The following SQOR variants were observed in gnomAD, a reference collection of about 807,000 sequenced individuals.
The protein encoded by SQOR is sulfide quinone oxidoreductase.
A neutral mutation model predicts 48.6 loss-of-function variants in SQOR; 39 were observed. The ratio of observed to expected loss-of-function variants is 0.80; its 90% CI spans 0.62 to 1.05. The LOEUF is 1.05. SQOR is among the 50% of genes least tolerant of loss of function. The pLI, the probability that SQOR is intolerant of heterozygous loss-of-function variation, is 0.00. For synonymous variants in SQOR, 220 were observed against 206.2 expected (o/e 1.07, Z -0.57); for missense variants, 561 against 559.9 (o/e 1.00, Z -0.02).
chr15:45,647,318 GCTAC>G (rs1889361080), intron 1 of SQOR, among the ~76,000 whole-genome samples: 1 of 144,634 alleles, frequency 6.9e-6, no homozygotes, highest in Non-Finnish European at 1.5e-5. Context: ...ATTCAACCAA[GCTAC>G]TTTAACTTTT....
chr15:45,688,334 T>C lies in SQOR; in HGVS notation c.1049-3T>C, dbSNP rs746875012. ...TTTTCTGACTTTCCCATTTCTCTTATAGCTGCCCAGTCAGGAATACTTGAT... is the reference window on the plus strand; with the variant it reads ...TTTTCTGACTTTCCCATTTCTCTTACAGCTGCCCAGTCAGGAATACTTGAT... On this transcript the variant is annotated splice_polypyrimidine_tract_variant and splice_region_variant and intron_variant, in intron 7 of 9. Transcript: ENST00000260324. 6.3e-6 allele frequency: 10 copies of C among 1,593,246 alleles called. No homozygotes were observed. Among genetic ancestry groups the C allele is most frequent in the East Asian group, 4.5e-5 (2 of 44,730 alleles).
At chr15:45,632,941 C>CAAAA (rs111851737), upstream of SQOR, among the ~76,000 whole-genome samples, 69 of 131,482 alleles carry the variant, frequency 5.2e-4, no homozygotes, top group African/African-American at 1.9e-3. Context: ...TCCATCTCTA[C>CAAAA]AAAAAAAAAA....
chr15:45,674,428 G>A (rs1354395758), intron 5 of SQOR, among the ~76,000 whole-genome samples: 2 of 150,408 alleles, frequency 1.3e-5, no homozygotes, highest in East Asian at 2.0e-4. Flanking sequence ...CAACAAGAGC[G>A]AAGCTCCGTC....
At chr15:45,685,834 A>T (rs550165326) in intron 7 of SQOR, among the ~76,000 whole-genome samples, 1 of 152,224 alleles carries the variant, frequency 6.6e-6, no homozygotes, top group South Asian at 2.1e-4. Context: ...GAATATAGCC[A>T]TTTAATTTTT....
chr15:45,647,849 G>A (rs7163398), intron 1 of SQOR, among the ~76,000 whole-genome samples: 107 of 152,180 alleles, frequency 7.0e-4, no homozygotes, highest in African/African-American at 2.0e-3. Context: ...CCCAGGAGGC[G>A]GAGGCTGCAG....
upstream of SQOR, chr15:45,632,067 C>T (rs1894906463): frequency 6.6e-6 from 1 of 152,190 alleles, no homozygotes; most frequent in African/African-American, 2.4e-5. Flanking sequence ...CAAGTTACAA[C>T]TTCTGTTCTC....
chr15:45,679,796 C>T (rs545237078), intron 6 of SQOR, among the ~76,000 whole-genome samples: 2 of 152,224 alleles, frequency 1.3e-5, no homozygotes, highest in African/African-American at 4.8e-5. Context: ...AGCATGTGAT[C>T]CACAGATTTT....
chr15:45,676,503 G>A (rs1890039611), intron 6 of SQOR, among the ~76,000 whole-genome samples, 193 bp downstream of exon 6: 1 of 152,226 alleles, frequency 6.6e-6, no homozygotes, highest in Non-Finnish European at 1.5e-5. Flanking sequence ...GTAAGAGGCT[G>A]TGTCAGTGGG....
At chr15:45,635,339 T>C (rs1328624017) in intron 1 of SQOR, among the ~76,000 whole-genome samples, 1 of 152,064 alleles carries the variant, frequency 6.6e-6, no homozygotes, top group Non-Finnish European at 1.5e-5. Flanking sequence ...CTTCTCAGAG[T>C]GTCAGAGCCT....
At chr15:45,657,785 T>A (rs674117) in intron 1 of SQOR, among the ~76,000 whole-genome samples, 101,371 of 152,010 alleles carry the variant, frequency 0.67, 33,904 homozygotes, top group Admixed American at 0.76. Context: ...TTTTATTAAG[T>A]AGTTAGTAAC....
chr15:45,664,197 G>T (rs1313523667), intron 3 of SQOR, among the ~76,000 whole-genome samples: 1 of 152,134 alleles, frequency 6.6e-6, no homozygotes, highest in African/African-American at 2.4e-5. Flanking sequence ...TGGGTTATAT[G>T]AAAGTTCTGT....
Position 45,682,388 on chromosome 15 carries a change from AGT to A in SQOR, c.865-87_865-86del, listed in dbSNP as rs1242101787. 1.8e-5 allele frequency: 25 copies of A among 1,360,672 alleles called. No homozygotes were observed. The African/African-American group carries it at 2.7e-4, about 15-fold the overall frequency. The allele number at this position is 1,360,672 out of a possible 1,614,324, so 84.3% of individuals were successfully genotyped here. A position where few individuals can be genotyped will look rare whatever the true frequency, so the allele number is the denominator to read the frequency against. ...ATAATGCTCCATGCAGCCATAGCAC[AGT>A]GTATAGAGTAAGGAAGGTAGGGGGA... On this transcript the variant is annotated intron_variant, in intron 6 of 9. Coordinates refer to ENST00000260324, the MANE Select transcript of SQOR (RefSeq NM_021199.4).
intron 7 of SQOR, among the ~76,000 whole-genome samples, chr15:45,683,680 TTATTAA>T (rs1049496041): frequency 1.1e-4 from 17 of 152,252 alleles, no homozygotes; most frequent in African/African-American, 4.1e-4. Context: ...GTCTTTTTCA[TTATTAA>T]TATTAATTTC....
intron 1 of SQOR, among the ~76,000 whole-genome samples, chr15:45,643,376 T>G (rs964032419): frequency 2.6e-5 from 4 of 152,144 alleles, no homozygotes; most frequent in Non-Finnish European, 5.9e-5. Context: ...TTTGTATTTT[T>G]AATACAGATA....
upstream of SQOR, chr15:45,631,484 G>A (rs148776789): frequency 6.6e-6 from 1 of 152,286 alleles, no homozygotes; most frequent in African/African-American, 2.4e-5. Context: ...GGGTTTGCTG[G>A]GGAGGCTAGG....
In SQOR at chr15:45,659,144, T is replaced by C. The variant is rs191757287; in HGVS notation, c.221T>C (p.Val74Ala). ...RKVGAENVAI[V>A]EPSERHFYQP... ...GTGGGTGCAGAGAATGTGGCCATTGTTGAGCCCAGTGAGGTAAGCCTCCCC... is the reference window on the plus strand; with the variant it reads ...GTGGGTGCAGAGAATGTGGCCATTGCTGAGCCCAGTGAGGTAAGCCTCCCC... Residue 74 changes from valine to alanine, a missense_variant, in exon 2 of 10, where the codon GTT becomes GCT. Physicochemically the swap from Val to Ala is moderately conservative, Grantham distance 64 (BLOSUM62 0). Coordinates refer to ENST00000260324, the MANE Select transcript of SQOR (RefSeq NM_021199.4). The C allele has an allele frequency of 7.9e-5, 122 of 1,539,806 alleles. No individual in the cohort carries two copies. Among genetic ancestry groups the C allele is most frequent in the Non-Finnish European group, 1.0e-4 (115 of 1,137,634 alleles).
rs201290462 is a variant in SQOR, at chr15:45,641,036, AT to A, written c.-18+5936del. Among the ~76,000 whole-genome samples the A allele has an allele frequency of 5.8e-3, 875 of 152,128 alleles. 9 individuals carry two copies. The highest frequency in any genetic ancestry group is 0.019 in the African/African-American group (807 of 41,516). The stretch of plus-strand genomic sequence containing the variant: ...AAGCAGAAAAACAAGGTGTTCTTTC[AT>A]TTTTTTTCCCCCTATATAATTCAGT... On this transcript the variant is annotated intron_variant, in intron 1 of 9. Transcript: ENST00000260324.
chr15:45,664,652 G>A (rs905432581), intron 3 of SQOR, among the ~76,000 whole-genome samples: 5 of 152,036 alleles, frequency 3.3e-5, no homozygotes, highest in East Asian at 1.9e-4. Context: ...TGCCTTTTTC[G>A]TGACAGTTAC....
At chr15:45,642,972 C>G (rs1441574629) in intron 1 of SQOR, among the ~76,000 whole-genome samples, 2 of 152,214 alleles carry the variant, frequency 1.3e-5, no homozygotes, top group Non-Finnish European at 2.9e-5. Flanking sequence ...CCATGTGAAA[C>G]TGGTTTTGTT....
Sources: allele counts gnomAD v4.1 joint callset (sites outside exome capture counted in the v4.1 genomes callset), GRCh38; gene constraint gnomAD v4.1.1; transcripts MANE v1.5; gene names NCBI Gene and HGNC (gene_info 2026-07-23, HGNC 2026-07-21).